Variants in LY75 observed in about 807,000 individuals in gnomAD.
LY75 encodes lymphocyte antigen 75.
LY75 carries 185 observed loss-of-function variants against 231.7 expected under a neutral mutation model. That is an observed-to-expected ratio of 0.80 (90% CI 0.71 to 0.90). LY75 has a LOEUF of 0.90. Among genes scored for constraint, LY75 ranks in the 40% least tolerant of loss-of-function variants. The pLI is 0.00. For synonymous variants in LY75, 668 were observed against 689.0 expected, an observed-to-expected ratio of 0.97 and a Z score of 0.48; for missense variants, 1,947 against 2,050.2, an observed-to-expected ratio of 0.95 and a Z score of 0.97.
intron 31 of LY75, 31 bp downstream of exon 31, chr2:159,815,374 A>G (rs1316405692): frequency 2.6e-6 from 4 of 1,561,292 alleles, no homozygotes; most frequent in Non-Finnish European, 3.5e-6. Flanking sequence ...ACATTTTCAT[A>G]AATGTACTGT....
rs147952165 is a variant in LY75, at chr2:159,850,207, T to C, written c.2990-67A>G. On this transcript the variant is annotated intron_variant, in intron 22 of 34. Coordinates refer to ENST00000263636, the MANE Select transcript of LY75 (RefSeq NM_002349.4). The stretch of plus-strand genomic sequence containing the variant: ...ATTAAAGATACATTAAAAATGTCAA[T>C]GAATATATTTTGTTTATCTATCAAC... 1,031 of 1,526,460 alleles carry C rather than the reference T, an allele frequency of 6.8e-4. 5 individuals carry two copies. The African/African-American group carries it at 0.013, about 20-fold the overall frequency. The allele number at this position is 1,526,460 out of a possible 1,614,324, so 94.6% of individuals were successfully genotyped here.
In LY75 at chr2:159,824,135, A is replaced by G. The variant is rs193121136; in HGVS notation, c.3959-4215T>C. On this transcript the variant is annotated intron_variant, in intron 28 of 34. Transcript: ENST00000263636. ...AATGTAAAGGGGCTAAATGCCCCCA[A>G]TTAAAACACACGACTGGCAAATTGG... Among the ~76,000 whole-genome samples, 143 of 152,348 alleles carry G rather than the reference A, an allele frequency of 9.4e-4. 2 individuals carry two copies. The highest frequency in any genetic ancestry group is 1.3e-4 in the Non-Finnish European group (9 of 68,024).
chr2:159,886,082 G>C (rs1254125906), intron 5 of LY75, among the ~76,000 whole-genome samples: 2 of 152,178 alleles, frequency 1.3e-5, no homozygotes, highest in Non-Finnish European at 2.9e-5. Context: ...TTCAGCTGCA[G>C]ATGAAACACA....
chr2:159,886,733 G>A (rs1685599283), intron 4 of LY75, among the ~76,000 whole-genome samples: 2 of 152,138 alleles, frequency 1.3e-5, no homozygotes, highest in Admixed American at 1.3e-4. Context: ...AGGCTGATAA[G>A]TTAATTCAGT....
chr2:159,814,517 T>C (rs989000538), intron 31 of LY75, among the ~76,000 whole-genome samples: 3 of 151,420 alleles, frequency 2.0e-5, no homozygotes, highest in Admixed American at 2.0e-4. Flanking sequence ...TAGCTGGGTG[T>C]GGTGGCATGT....
At chr2:159,874,136 GTATA>G (rs1358759989) in intron 12 of LY75, among the ~76,000 whole-genome samples, 2 of 36,504 alleles carry the variant, frequency 5.5e-5, no homozygotes, top group African/African-American at 1.0e-4. Context: ...ATATATAAAC[GTATA>G]TATATTTTGT....
At chr2:159,842,502 A>G (rs1684068047) in intron 23 of LY75, 128 bp from the exon 24 acceptor site, 1 of 1,190,020 alleles carries the variant, frequency 8.4e-7, no homozygotes, top group South Asian at 2.4e-5. Flanking sequence ...CCTGACCATG[A>G]CATTTCCTAG....
At chr2:159,902,942 C>T (rs2125888866) in intron 1 of LY75, 1 of 152,330 alleles carries the variant, frequency 6.6e-6, no homozygotes, top group Non-Finnish European at 1.5e-5. Context: ...AGGCCACCTG[C>T]ACAAGCCTAG....
At chr2:159,876,808 C>A (rs1354080987) in intron 11 of LY75, among the ~76,000 whole-genome samples, 1 of 151,836 alleles carries the variant, frequency 6.6e-6, no homozygotes, top group Non-Finnish European at 1.5e-5. Context: ...GAGTTCGAGA[C>A]CAGCCTGGCC....
intron 1 of LY75, among the ~76,000 whole-genome samples, chr2:159,903,861 G>A (rs1686152921): frequency 6.6e-6 from 1 of 152,218 alleles, no homozygotes; most frequent in Non-Finnish European, 1.5e-5. Flanking sequence ...ATCAATGAAG[G>A]CTGTCTGTTT....
rs1685888336 is a variant in LY75, at chr2:159,895,591, G to A, written c.467-1507C>T. ...ATAGGGGAGGTATTATACTTGTCTGGGAAATCCCCATTTTTGCAGAGTAGT... is the reference window on the plus strand; with the variant it reads ...ATAGGGGAGGTATTATACTTGTCTGAGAAATCCCCATTTTTGCAGAGTAGT... On this transcript the variant is annotated intron_variant, in intron 2 of 34. Coordinates refer to ENST00000263636, the MANE Select transcript of LY75 (RefSeq NM_002349.4). Among the ~76,000 whole-genome samples, 4 of 152,188 alleles carry A rather than the reference G, an allele frequency of 2.6e-5. No homozygotes were observed. In the South Asian group the frequency reaches 6.2e-4, roughly 24 times the overall value.
In LY75 at chr2:159,868,476, T is replaced by C. The variant is rs371141378; in HGVS notation, c.2118-3556A>G. 1.6e-4 allele frequency among the ~76,000 whole-genome samples: 25 copies of C among 152,280 alleles called. No homozygotes were observed. In the South Asian group the frequency reaches 5.2e-3, roughly 32 times the overall value. ...ATCAGGAGCTAGGATTTGAGGTGAT[T>C]GTTTGCTTCATTACTCATTTTTATA... On this transcript the variant is annotated intron_variant, in intron 13 of 34. Coordinates refer to ENST00000263636, the MANE Select transcript of LY75 (RefSeq NM_002349.4).
In LY75 at chr2:159,850,789, T is replaced by TATATATATATAAAA. The variant is rs796940571; in HGVS notation, c.2884-323_2884-322insTTTTATATATATAT. Among the ~76,000 whole-genome samples the TATATATATATAAAA allele has an allele frequency of 7.9e-5, 7 of 88,658 alleles. 2 individuals carry two copies. Among genetic ancestry groups the TATATATATATAAAA allele is most frequent in the East Asian group, 7.2e-4 (3 of 4,156 alleles). 58.2% of individuals were successfully genotyped at this position (88,658 alleles called of 152,430 possible). A position where few individuals can be genotyped will look rare whatever the true frequency, so the allele number is the denominator to read the frequency against. On this transcript the variant is annotated intron_variant, in intron 21 of 34. Transcript: ENST00000263636. ...TCAAACTTTCATATATATATATATA[T>TATATATATATAAAA]ATATATATATTATATCTTATATATA...
At chr2:159,820,218 AC>A (rs759029917) in intron 28 of LY75, among the ~76,000 whole-genome samples, 4 of 152,248 alleles carry the variant, frequency 2.6e-5, no homozygotes, top group Non-Finnish European at 4.4e-5. Flanking sequence ...TGAAAAAGAT[AC>A]TTGCACATGC....
intron 29 of LY75, among the ~76,000 whole-genome samples, chr2:159,818,688 T>C (rs1683195326): frequency 6.6e-6 from 1 of 152,210 alleles, no homozygotes; most frequent in Non-Finnish European, 1.5e-5. Context: ...ACTAAAGTAA[T>C]ATGCCAACAG....
At chr2:159,883,821 T>C (rs1450743821) in intron 6 of LY75, among the ~76,000 whole-genome samples, 1 of 152,234 alleles carries the variant, frequency 6.6e-6, no homozygotes, top group Non-Finnish European at 1.5e-5. Flanking sequence ...TCAGATTCTT[T>C]ATTTTATATC....
chr2:159,879,778 A>G (rs1685380502), intron 8 of LY75, among the ~76,000 whole-genome samples: 1 of 152,214 alleles, frequency 6.6e-6, no homozygotes, highest in Non-Finnish European at 1.5e-5. Flanking sequence ...GTGTAAAATG[A>G]TGATGGTGGC....
At chr2:159,851,456 C>T (rs2125854794) in intron 21 of LY75, among the ~76,000 whole-genome samples, 1 of 152,270 alleles carries the variant, frequency 6.6e-6, no homozygotes, top group South Asian at 2.1e-4. Context: ...CTAGAGAGAA[C>T]ACCCTGAATT....
At chr2:159,822,283 T>C (rs13012116) in intron 28 of LY75, among the ~76,000 whole-genome samples, 29,387 of 152,092 alleles carry the variant, frequency 0.19, 4,443 homozygotes, top group African/African-American at 0.41. Context: ...TAAGATCTAC[T>C]GGCTTGAAAT....
Sources: gnomAD v4.1 joint callset for allele counts (sites outside exome capture counted in the v4.1 genomes callset) on GRCh38, gnomAD v4.1.1 for gene constraint, MANE v1.5 for transcripts, NCBI Gene and HGNC (gene_info 2026-07-23, HGNC 2026-07-21) for gene names.